SLCO3A1: variants seen among roughly 807,000 people sequenced by gnomAD.
SLCO3A1 encodes the protein solute carrier organic anion transporter family member 3A1.
Under a neutral mutation model 63.1 loss-of-function variants are expected in SLCO3A1, and 27 were observed. That is an observed-to-expected ratio of 0.43 (90% CI 0.32 to 0.59). The LOEUF is 0.59. Ranked by LOEUF, SLCO3A1 falls within the 20% of genes least tolerant of loss-of-function variation. The probability of loss-of-function intolerance (pLI) is 0.09; values close to 1 mark genes in which losing one functional copy is unlikely to be tolerated. For synonymous variants in SLCO3A1, 473 were observed against 409.9 expected, an observed-to-expected ratio of 1.15 and a Z score of -1.86; for missense variants, 773 against 945.8, an observed-to-expected ratio of 0.82 and a Z score of 2.40.
At chr15:92,007,488 G>A (rs1056194101) in intron 2 of SLCO3A1, among the ~76,000 whole-genome samples, 5 of 152,184 alleles carry the variant, frequency 3.3e-5, no homozygotes, top group African/African-American at 1.2e-4. Flanking sequence ...GGAGAACAGA[G>A]GAAGAGGAGT....
chr15:91,971,574 A>C (rs778675448), intron 2 of SLCO3A1, among the ~76,000 whole-genome samples: 2 of 151,946 alleles, frequency 1.3e-5, no homozygotes, highest in Non-Finnish European at 2.9e-5. Context: ...GTTCCTAAGC[A>C]CAGGACACCT....
At chr15:92,060,598 C>G (rs2047075719) in intron 2 of SLCO3A1, among the ~76,000 whole-genome samples, 1 of 151,956 alleles carries the variant, frequency 6.6e-6, no homozygotes, top group South Asian at 2.1e-4. Context: ...CTCCGGGGTT[C>G]AGGCAGTTCT....
intron 2 of SLCO3A1, among the ~76,000 whole-genome samples, chr15:91,963,732 C>G (rs1900548846): frequency 6.6e-6 from 1 of 151,960 alleles, no homozygotes; most frequent in Non-Finnish European, 1.5e-5. Flanking sequence ...GGTTCGTGGT[C>G]TCGCTGACTT....
chr15:91,960,646 TCTCA>T (rs574747071), intron 2 of SLCO3A1, among the ~76,000 whole-genome samples: 328 of 152,318 alleles, frequency 2.2e-3, no homozygotes, highest in Middle Eastern at 6.8e-3. Flanking sequence ...TTTATTCTTT[TCTCA>T]CTATTTCATA....
At position 91,862,105 on chromosome 15, in the gene SLCO3A1, G is replaced by GT. The variant is rs950066726; in HGVS notation, c.180+8018dup. Among the ~76,000 whole-genome samples, 11 of 151,922 alleles carry GT rather than the reference G, an allele frequency of 7.2e-5. No homozygotes were observed. Among genetic ancestry groups the GT allele is most frequent in the African/African-American group, 2.7e-4 (11 of 41,360 alleles). On this transcript the variant is annotated intron_variant, in intron 1 of 9. Transcript: ENST00000318445. This position sits in a 1 kb window ranked among gnomAD's most constrained non-coding sequence, Gnocchi z 4.0. The stretch of plus-strand genomic sequence containing the variant: ...TCCAAGTGGCATTTTAAGTTATCTG[G>GT]TAATGGACTCAGAGAGCCCACTGAC...
chr15:92,149,632 A>G (rs557453088), intron 8 of SLCO3A1: 1 of 152,370 alleles, frequency 6.6e-6, no homozygotes, highest in Non-Finnish European at 1.5e-5. Flanking sequence ...AGCGTTGTCC[A>G]GAGCTTTCAA....
chr15:92,155,705 A>T (rs1167714990), intron 9 of SLCO3A1, among the ~76,000 whole-genome samples: 1 of 150,242 alleles, frequency 6.7e-6, no homozygotes, highest in Non-Finnish European at 1.5e-5. Context: ...TGGGAGCCAC[A>T]TAAGAGACAG....
chr15:91,928,500 TC>T (rs1277279702), intron 2 of SLCO3A1, among the ~76,000 whole-genome samples: 1 of 152,094 alleles, frequency 6.6e-6, no homozygotes, highest in Admixed American at 6.6e-5. Flanking sequence ...ATGCTACCCC[TC>T]CACCATCCCC....
intron 2 of SLCO3A1, among the ~76,000 whole-genome samples, chr15:92,030,909 A>C (rs2046639017): frequency 6.6e-6 from 1 of 152,040 alleles, no homozygotes. Context: ...AACAGATGCC[A>C]ACCTATGGAG....
At chr15:91,903,333 A>G (rs1160551463) in intron 1 of SLCO3A1, among the ~76,000 whole-genome samples, 2 of 152,192 alleles carry the variant, frequency 1.3e-5, no homozygotes, top group Non-Finnish European at 2.9e-5. Flanking sequence ...TGCTGCTCAG[A>G]AGCCATTGAA....
In SLCO3A1 at chr15:91,968,104, T is replaced by A. The variant is rs965659087; in HGVS notation, c.646+51646T>A. ...CTGGAAAGTACCCAGGGAAGCCACT[T>A]ACGGCCTATCCATCAAAGCACAGTG... On this transcript the variant is annotated intron_variant, in intron 2 of 9. Transcript: ENST00000318445. The surrounding 1 kb of genome is among the most constrained non-coding windows in gnomAD (Gnocchi z 4.2). Among the ~76,000 whole-genome samples the A allele has an allele frequency of 1.3e-5, 2 of 152,118 alleles. No individual in the cohort carries two copies.
rs1567043248 is a variant in SLCO3A1 at position 91,968,569 on chromosome 15, CAAAG to C, written c.646+52112_646+52115del. 6.6e-6 allele frequency among the ~76,000 whole-genome samples: 1 copy of C among 151,598 alleles called. No homozygotes were observed. Among genetic ancestry groups the C allele is most frequent in the Non-Finnish European group, 1.5e-5 (1 of 67,878 alleles). ...CAGTGGCATCAAATTCTGGTGCTAA[CAAAG>C]GAAGTTCCATCACAGACAAGGAGTG... On this transcript the variant is annotated intron_variant, in intron 2 of 9. Transcript: ENST00000318445. This position sits in a 1 kb window ranked among gnomAD's most constrained non-coding sequence, Gnocchi z 4.2.
Position 91,862,035 on chromosome 15 carries a change from C to T in SLCO3A1, c.180+7947C>T, listed in dbSNP as rs1897060431. ...CCCTCATGATTTCCTTTATAAATACCCCTGCCATGACTTTTCAGTACTCTC... is the reference window on the plus strand; with the variant it reads ...CCCTCATGATTTCCTTTATAAATACTCCTGCCATGACTTTTCAGTACTCTC... On this transcript the variant is annotated intron_variant, in intron 1 of 9. Coordinates refer to ENST00000318445, the MANE Select transcript of SLCO3A1 (RefSeq NM_013272.4). The surrounding 1 kb of genome is among the most constrained non-coding windows in gnomAD (Gnocchi z 4.0). Among the ~76,000 whole-genome samples the T allele has an allele frequency of 6.6e-6, 1 of 152,080 alleles. No homozygotes were observed. Among genetic ancestry groups the T allele is most frequent in the Admixed American group, 6.5e-5 (1 of 15,274 alleles).
At position 91,916,149 on chromosome 15, in the gene SLCO3A1, G is replaced by A; in HGVS notation, c.337G>A (p.Gly113Ser). 1.2e-6 allele frequency: 2 copies of A among 1,608,148 alleles called. No homozygotes were observed. The highest frequency in any genetic ancestry group is 4.5e-5 in the East Asian group (2 of 44,776). Residue 113 changes from glycine to serine, a missense_variant, in exon 2 of 10, where the codon GGC (glycine) becomes AGC (serine). Transcript: ENST00000318445. This position sits in a 1 kb window ranked among gnomAD's most constrained non-coding sequence, Gnocchi z 6.2. ...GHRPRLIGCG[G>S]IVMALGALLS... ...CCGGCCGCGCCTGATCGGCTGCGGC[G>A]GCATCGTCATGGCGCTGGGCGCGCT... is the stretch of plus-strand genomic sequence containing the variant.
At position 91,883,218 on chromosome 15, in the gene SLCO3A1, G is replaced by A. The variant is rs1897639148; in HGVS notation, c.180+29130G>A. On this transcript the variant is annotated intron_variant, in intron 1 of 9. Coordinates refer to ENST00000318445, the MANE Select transcript of SLCO3A1 (RefSeq NM_013272.4). This position sits in a 1 kb window ranked among gnomAD's most constrained non-coding sequence, Gnocchi z 4.8. Reference sequence around the variant, plus strand: ...TAACAGCGGGCAGTAAGTGGTCTGGGTTTCACTTACATCAGGTGCCCAGGA... The same window carrying A: ...TAACAGCGGGCAGTAAGTGGTCTGGATTTCACTTACATCAGGTGCCCAGGA... Among the ~76,000 whole-genome samples the A allele has an allele frequency of 6.6e-6, 1 of 152,178 alleles. No homozygotes were observed. Among genetic ancestry groups the A allele is most frequent in the East Asian group, 1.9e-4 (1 of 5,190 alleles).
At chr15:91,944,307 C>T (rs548234941) in intron 2 of SLCO3A1, among the ~76,000 whole-genome samples, 9 of 152,102 alleles carry the variant, frequency 5.9e-5, no homozygotes, top group South Asian at 2.1e-4. Flanking sequence ...GGAATGTGAG[C>T]CCCTTACAGA....
At chr15:91,956,125 G>A (rs1900168150) in intron 2 of SLCO3A1, among the ~76,000 whole-genome samples, 1 of 152,146 alleles carries the variant, frequency 6.6e-6, no homozygotes, top group Non-Finnish European at 1.5e-5. Context: ...TCAGAGGCCA[G>A]CTTTTGGAAA....
At chr15:92,100,323 T>C (rs1051781509) in intron 3 of SLCO3A1, among the ~76,000 whole-genome samples, 1 of 152,228 alleles carries the variant, frequency 6.6e-6, no homozygotes, top group Non-Finnish European at 1.5e-5. Context: ...GATTAGTGGC[T>C]TGATGAGGGA....
intron 2 of SLCO3A1, among the ~76,000 whole-genome samples, chr15:91,920,068 T>A (rs998534937): frequency 3.9e-5 from 6 of 152,234 alleles, no homozygotes; most frequent in African/African-American, 1.4e-4. Context: ...TCTGAATATA[T>A]ACGACAATAT....
Sources: gnomAD v4.1 joint callset for allele counts (sites outside exome capture counted in the v4.1 genomes callset) on GRCh38, gnomAD v4.1.1 for gene constraint, Gnocchi (gnomAD v3.1) non-coding constraint, MANE v1.5 for transcripts, NCBI Gene and HGNC (gene_info 2026-07-23, HGNC 2026-07-21) for gene names.